Variants in GLCE observed in about 807,000 individuals in gnomAD.
GLCE encodes glucuronic acid epimerase.
GLCE carries 19 observed loss-of-function variants against 47.9 expected under a neutral mutation model. That is an observed-to-expected ratio of 0.40 (90% CI 0.28 to 0.58). GLCE has a LOEUF of 0.58. Among genes scored for constraint, GLCE ranks in the 20% least tolerant of loss-of-function variants. GLCE has a pLI of 0.48. For missense variants in GLCE, 556 were observed against 743.3 expected, an observed-to-expected ratio of 0.75 and a Z score of 2.93; for synonymous variants, 245 against 263.4, an observed-to-expected ratio of 0.93 and a Z score of 0.68.
In GLCE at chr15:69,219,674, A is replaced by G. The variant is rs138472655; in HGVS notation, c.-14+9268A>G. Among the ~76,000 whole-genome samples the G allele has an allele frequency of 3.5e-3, 539 of 152,184 alleles. 4 individuals carry two copies. Among genetic ancestry groups the G allele is most frequent in the Admixed American group, 6.4e-3 (98 of 15,288 alleles). On this transcript the variant is annotated intron_variant, in intron 2 of 4. Transcript: ENST00000261858. ...TAAGCTGGTTGGATTACGGTTTTTA[A>G]GATTATTGCCAGTTCTGTGATTCTT...
intron 2 of GLCE, among the ~76,000 whole-genome samples, chr15:69,250,688 A>G (rs564715916): frequency 2.6e-5 from 4 of 151,896 alleles, no homozygotes; most frequent in East Asian, 1.9e-4. Flanking sequence ...ACTGATGGCA[A>G]ACTTAATGTG....
At chr15:69,182,743 A>G (rs1258468019) in intron 1 of GLCE, among the ~76,000 whole-genome samples, 1 of 152,094 alleles carries the variant, frequency 6.6e-6, no homozygotes, top group East Asian at 1.9e-4. Context: ...GCTGGGCATC[A>G]TGCCTCATGT....
rs185686358 is a variant in GLCE at position 69,234,879 on chromosome 15, A to T, written c.-13-20915A>T. ...CCTACCAATATATCATTCTGTGGAA[A>T]GCCAGATTGTATTTGTTTCTTGATT... On this transcript the variant is annotated intron_variant, in intron 2 of 4. Transcript: ENST00000261858. Among the ~76,000 whole-genome samples the T allele has an allele frequency of 1.4e-3, 209 of 152,282 alleles. 1 individual carries two copies. The highest frequency in any genetic ancestry group is 4.8e-3 in the African/African-American group (200 of 41,552).
At chr15:69,192,023 T>C (rs944823257) in intron 1 of GLCE, among the ~76,000 whole-genome samples, 1 of 152,174 alleles carries the variant, frequency 6.6e-6, no homozygotes, top group Non-Finnish European at 1.5e-5. Context: ...ATCATTATTT[T>C]CAGCAATGTA....
chr15:69,222,712 T>C (rs1260026767), intron 2 of GLCE, among the ~76,000 whole-genome samples: 2 of 152,244 alleles, frequency 1.3e-5, no homozygotes, highest in Admixed American at 1.3e-4. Context: ...TCTATCTCAA[T>C]GGGAGAAGTT....
At chr15:69,265,844 C>T (rs4777132) in intron 4 of GLCE, among the ~76,000 whole-genome samples, 151,442 of 152,304 alleles carry the variant, frequency 0.99, 75,301 homozygotes, top group East Asian at 1. Flanking sequence ...CCAGAATAGA[C>T]GTCATAGTTA....
intron 1 of GLCE, among the ~76,000 whole-genome samples, chr15:69,172,900 G>A (rs2051609212): frequency 6.6e-6 from 1 of 152,078 alleles, no homozygotes; most frequent in Non-Finnish European, 1.5e-5. Flanking sequence ...TACGAAATAT[G>A]TTATAAGATT....
chr15:69,166,746 C>T (rs567421458), intron 1 of GLCE, among the ~76,000 whole-genome samples: 2 of 151,326 alleles, frequency 1.3e-5, no homozygotes, highest in East Asian at 3.9e-4. Context: ...ATGGTGAAAC[C>T]CCGTCTCTAC....
chr15:69,190,084 G>A (rs1274436830), intron 1 of GLCE, among the ~76,000 whole-genome samples: 1 of 149,200 alleles, frequency 6.7e-6, no homozygotes, highest in African/African-American at 2.5e-5. Flanking sequence ...GTTTCCAGAT[G>A]TTTGGAGATT....
In GLCE at chr15:69,269,098, G is replaced by T. The variant is rs746581109; in HGVS notation, c.1708G>T (p.Ala570Ser). The T allele has an allele frequency of 6.2e-7, 1 of 1,613,954 alleles. No homozygotes were observed. The highest frequency in any genetic ancestry group is 1.3e-5 in the African/African-American group (1 of 74,878). Reference sequence around the variant, plus strand: ...CCTCCGTCACTTCATGCTTGGCATCGCTCCTAACCTGGCTCGCTGGGACTA... The same window carrying T: ...CCTCCGTCACTTCATGCTTGGCATCTCTCCTAACCTGGCTCGCTGGGACTA... ...YDLRHFMLGIAPNLARWDYHT... is the reference protein window; with the variant it reads ...YDLRHFMLGISPNLARWDYHT... Residue 570 changes from alanine (A) to serine (S), a missense_variant, in exon 5 of 5, where the codon GCT becomes TCT. By Grantham distance (99) the Ala-to-Ser change is moderately conservative. Around this residue, in one of 3 missense-constraint regions of GLCE, gnomAD observed 245 missense variants for 368.1 expected, o/e 0.67. Transcript: ENST00000261858.
rs770443848 is a variant in GLCE, at chr15:69,268,671, C to A, written c.1281C>A (p.Thr427=). Residue 427 remains threonine (T), a synonymous_variant, in exon 5 of 5, where the codon ACC becomes ACA. Coordinates refer to ENST00000261858, the MANE Select transcript of GLCE (RefSeq NM_015554.3). ...AAGGTGGCTGGCCAATTATGGTGAC[C>A]CGTAAGTTAGGGGAAGGGTTCAAGT... ...DEKGGWPIMV[T]RKLGEGFKSL... is the part of the protein sequence containing the mutation. 1.5e-5 allele frequency: 25 copies of A among 1,613,998 alleles called. No homozygotes were observed. In the South Asian group the frequency reaches 1.9e-4, roughly 12 times the overall value.
At chr15:69,202,067 A>G (rs1482127236) in intron 1 of GLCE, among the ~76,000 whole-genome samples, 2 of 152,112 alleles carry the variant, frequency 1.3e-5, no homozygotes, top group East Asian at 3.9e-4. Flanking sequence ...CTATAGGCAC[A>G]CTGTACCACA....
chr15:69,205,615 G>A (rs1015347421), intron 1 of GLCE, among the ~76,000 whole-genome samples: 3 of 152,084 alleles, frequency 2.0e-5, no homozygotes, highest in Admixed American at 6.6e-5. Flanking sequence ...CATCAGCAAT[G>A]TATGAGTGTT....
intron 2 of GLCE, among the ~76,000 whole-genome samples, chr15:69,249,618 G>C (rs1262988745): frequency 1.3e-5 from 2 of 151,986 alleles, no homozygotes; most frequent in African/African-American, 4.8e-5. Flanking sequence ...GGGAAACTTT[G>C]GCCTACATTA....
In GLCE at chr15:69,269,698, A is replaced by G. The variant is rs1423348545; in HGVS notation, c.*454A>G. On this transcript the variant is annotated 3_prime_UTR_variant, in exon 5 of 5. Transcript: ENST00000261858. The stretch of plus-strand genomic sequence containing the variant: ...TGTAACACAGTAAATATGTACTTGT[A>G]GCCTGGATAGCAGACTGTGTTCAAC... The G allele has an allele frequency of 6.5e-6, 1 of 154,634 alleles. No individual in the cohort carries two copies. The highest frequency in any genetic ancestry group is 6.5e-5 in the Admixed American group (1 of 15,444). The allele number at this position is 154,634 out of a possible 1,614,324, so 9.6% of individuals were successfully genotyped here. A position where few individuals can be genotyped will look rare whatever the true frequency, so the allele number is the denominator to read the frequency against.
At chr15:69,213,542 C>T (rs1016155861) in intron 2 of GLCE, among the ~76,000 whole-genome samples, 3 of 152,068 alleles carry the variant, frequency 2.0e-5, no homozygotes, top group Non-Finnish European at 4.4e-5. Context: ...TATCAGAAGC[C>T]ACGTGGTGTC....
At chr15:69,221,672 G>A (rs771831138) in intron 2 of GLCE, among the ~76,000 whole-genome samples, 5 of 151,852 alleles carry the variant, frequency 3.3e-5, no homozygotes, top group South Asian at 4.2e-4. Flanking sequence ...AGACCAGCCC[G>A]GCCATCATGA....
intron 1 of GLCE, among the ~76,000 whole-genome samples, chr15:69,175,777 T>C (rs1372542626): frequency 6.6e-6 from 1 of 152,222 alleles, no homozygotes; most frequent in Non-Finnish European, 1.5e-5. Flanking sequence ...AGCTAATGAC[T>C]TTCTGTTATG....
chr15:69,269,165 T>C lies in GLCE; in HGVS notation c.1775T>C (p.Ile592Thr), dbSNP rs201702957. ...HINQLQLLSTIDESPVFKEFV... is the reference protein window; with the variant it reads ...HINQLQLLSTTDESPVFKEFV... The stretch of plus-strand genomic sequence containing the variant: ...AATCAGTTGCAGCTACTCAGTACCA[T>C]TGATGAGTCCCCAGTCTTCAAAGAA... Residue 592 changes from isoleucine (I) to threonine (T), a missense_variant, in exon 5 of 5, where the codon ATT becomes ACT. By Grantham distance (89) the Ile-to-Thr change is moderately conservative. Transcript: ENST00000261858. 7.4e-6 allele frequency: 12 copies of C among 1,613,684 alleles called. No individual in the cohort carries two copies. Among genetic ancestry groups the C allele is most frequent in the African/African-American group, 2.7e-5 (2 of 75,010 alleles).
Sources: gnomAD v4.1 joint callset for allele counts (sites outside exome capture counted in the v4.1 genomes callset) on GRCh38, gnomAD v4.1.1 for gene constraint, gnomAD v4.1.1 regional missense constraint, MANE v1.5 for transcripts, NCBI Gene and HGNC (gene_info 2026-07-23, HGNC 2026-07-21) for gene names.